GMEB2: variants seen among roughly 807,000 people sequenced by gnomAD.
GMEB2 encodes the protein glucocorticoid modulatory element-binding protein 2.
In GMEB2, 7 loss-of-function variants were observed where a neutral mutation model predicts 45.7. That is an observed-to-expected ratio of 0.15 (90% CI 0.09 to 0.29). The LOEUF (loss-of-function observed/expected upper bound fraction) is 0.29. Among genes scored for constraint, GMEB2 ranks in the 10% least tolerant of loss-of-function variants. The pLI is 1.00. For missense variants in GMEB2, 582 were observed against 739.2 expected (o/e 0.79, Z 2.47); for synonymous variants, 322 against 323.6 (o/e 1.00, Z 0.05).
At chr20:63,596,989 C>T (rs2083204803) in intron 5 of GMEB2, among the ~76,000 whole-genome samples, 1 of 150,702 alleles carries the variant, frequency 6.6e-6, no homozygotes, top group Non-Finnish European at 1.5e-5. Context: ...TGCACTCCAG[C>T]CTGGGCAACA....
chr20:63,622,947 T>C (rs374991395), intron 1 of GMEB2, among the ~76,000 whole-genome samples: 1 of 151,846 alleles, frequency 6.6e-6, no homozygotes, highest in East Asian at 1.9e-4. Flanking sequence ...GGACGGTGAG[T>C]GGCGGGGAGG....
intron 1 of GMEB2, among the ~76,000 whole-genome samples, chr20:63,625,704 T>G (rs2089666474): frequency 6.6e-6 from 1 of 152,004 alleles, no homozygotes. Context: ...TTCAAGCAAT[T>G]CTCCTGCCTC....
rs2089633969 is a variant in GMEB2 at position 63,619,911 on chromosome 20, A to G, written c.-57-457T>C. 6.6e-6 allele frequency: 1 copy of G among 152,402 alleles called. No individual in the cohort carries two copies. Among genetic ancestry groups the G allele is most frequent in the Non-Finnish European group, 1.5e-5 (1 of 68,168 alleles). The allele number at this position is 152,402 out of a possible 1,614,324, so 9.4% of individuals were successfully genotyped here. On this transcript the variant is annotated intron_variant, in intron 1 of 9. Transcript: ENST00000370077. The surrounding 1 kb of genome is among the most constrained non-coding windows in gnomAD (Gnocchi z 4.6). ...GAACGGGAAGGGAAACCCATTCAAG[A>G]CAGAAAGAGAGGAGGGAAACGCCCT...
chr20:63,619,559 TC>T lies in GMEB2; in HGVS notation c.-57-106del. On this transcript the variant is annotated intron_variant, in intron 1 of 9. Coordinates refer to ENST00000370077, the MANE Select transcript of GMEB2 (RefSeq NM_012384.5). The surrounding 1 kb of genome is among the most constrained non-coding windows in gnomAD (Gnocchi z 4.6). ...TCAGCTCCAAAGACCCACCCTTGAG[TC>T]CCAGACTGCTACCTCCTGACAAAAA... is the stretch of plus-strand genomic sequence containing the variant. The T allele has an allele frequency of 3.4e-6, 2 of 591,602 alleles. No individual in the cohort carries two copies. Among genetic ancestry groups the T allele is most frequent in the Non-Finnish European group, 5.6e-6 (2 of 358,362 alleles). The allele number at this position is 591,602 out of a possible 1,614,324, so 36.6% of individuals were successfully genotyped here.
intron 2 of GMEB2, among the ~76,000 whole-genome samples, chr20:63,608,778 T>C (rs1194774963): frequency 5.4e-5 from 2 of 37,252 alleles, no homozygotes; most frequent in African/African-American, 2.2e-4. Flanking sequence ...CATCCATTTC[T>C]AGAAACATGC....
At chr20:63,602,849 C>T in intron 4 of GMEB2, 116 bp downstream of exon 4, 1 of 890,364 alleles carries the variant, frequency 1.1e-6, no homozygotes, top group South Asian at 1.6e-5. Flanking sequence ...ACCTCCTTCA[C>T]TCTCCCCAGC....
Position 63,619,204 on chromosome 20 carries a change from T to A in GMEB2, c.131+63A>T, listed in dbSNP as rs1055867500. 79 of 1,456,584 alleles carry A rather than the reference T, an allele frequency of 5.4e-5. No homozygotes were observed. The highest frequency in any genetic ancestry group is 3.7e-4 in the Middle Eastern group (2 of 5,470). The allele number at this position is 1,456,584 out of a possible 1,614,324, so 90.2% of individuals were successfully genotyped here. The stretch of plus-strand genomic sequence containing the variant: ...TGTCCCTTACTACGTTAATGCCAGC[T>A]GTGCCAAGGACAGCCCAACCCAAGC... On this transcript the variant is annotated intron_variant, in intron 2 of 9. Transcript: ENST00000370077. The surrounding 1 kb of genome is among the most constrained non-coding windows in gnomAD (Gnocchi z 4.6).
At chr20:63,621,188 ACT>A (rs970146088) in intron 1 of GMEB2, among the ~76,000 whole-genome samples, 4 of 152,052 alleles carry the variant, frequency 2.6e-5, no homozygotes, top group African/African-American at 9.7e-5. Context: ...CAGAGTGAGA[ACT>A]CTCTCAAAAA....
At chr20:63,609,064 C>CCT (rs548600420) in intron 2 of GMEB2, among the ~76,000 whole-genome samples, 1,197 of 44,318 alleles carry the variant, frequency 0.027, 12 homozygotes, top group Non-Finnish European at 0.036. Flanking sequence ...GAAACATGCC[C>CCT]CTGACCCCAC....
intron 1 of GMEB2, among the ~76,000 whole-genome samples, chr20:63,623,680 C>T (rs1426080283): frequency 6.6e-6 from 1 of 152,042 alleles, no homozygotes; most frequent in Non-Finnish European, 1.5e-5. Context: ...TGCCTGTAAT[C>T]TCAGCTACTT....
At chr20:63,605,325 A>G (rs1350469954) in intron 2 of GMEB2, among the ~76,000 whole-genome samples, 3 of 151,522 alleles carry the variant, frequency 2.0e-5, no homozygotes, top group Admixed American at 2.0e-4. Flanking sequence ...CTGAGGTCAG[A>G]AGTTTGAGAT....
intron 2 of GMEB2, among the ~76,000 whole-genome samples, chr20:63,617,177 C>T (rs890119617): frequency 3.3e-5 from 5 of 152,060 alleles, no homozygotes; most frequent in African/African-American, 1.2e-4. Context: ...TGGGGTTTTG[C>T]CATGTCGCCC....
Position 63,619,341 on chromosome 20 carries a change from C to T in GMEB2, c.57G>A (p.Pro19=), listed in dbSNP as rs777072550. Residue 19 remains proline (P), a synonymous_variant, in exon 2 of 10, where the codon CCG becomes CCA. Coordinates refer to ENST00000370077, the MANE Select transcript of GMEB2 (RefSeq NM_012384.5). The surrounding 1 kb of genome is among the most constrained non-coding windows in gnomAD (Gnocchi z 4.6). ...CACCACTGCCGTCCACTGCAGTGTC[C>T]GGAGTTGTCACAACCACCACCTCCT... ...HMEEVVVVTT[P]DTAVDGSGVE... The T allele has an allele frequency of 8.1e-6, 13 of 1,612,966 alleles. No individual in the cohort carries two copies. The highest frequency in any genetic ancestry group is 1.6e-4 in the Middle Eastern group (1 of 6,062).
intron 6 of GMEB2, among the ~76,000 whole-genome samples, chr20:63,594,436 A>C (rs983739598): frequency 6.6e-6 from 1 of 152,198 alleles, no homozygotes; most frequent in Non-Finnish European, 1.5e-5. Flanking sequence ...CAGCAGCCCA[A>C]GTGTCCTGGG....
chr20:63,594,428 G>C (rs550993754), intron 6 of GMEB2, among the ~76,000 whole-genome samples: 1 of 152,340 alleles, frequency 6.6e-6, no homozygotes, highest in African/African-American at 2.4e-5. Context: ...TCTGACCACA[G>C]CAGCCCAAGT....
intron 1 of GMEB2, among the ~76,000 whole-genome samples, chr20:63,623,068 G>C (rs1237643904): frequency 3.9e-5 from 6 of 152,182 alleles, no homozygotes; most frequent in Non-Finnish European, 1.5e-5. Flanking sequence ...CTAAACACAA[G>C]CACTAAGGAC....
chr20:63,622,869 C>T (rs1303312552), intron 1 of GMEB2, among the ~76,000 whole-genome samples: 1 of 152,194 alleles, frequency 6.6e-6, no homozygotes, highest in Non-Finnish European at 1.5e-5. Context: ...GAGCTGGGTA[C>T]CACCCGCAGC....
intron 1 of GMEB2, among the ~76,000 whole-genome samples, chr20:63,625,269 G>A (rs1039609283): frequency 5.3e-5 from 8 of 151,784 alleles, no homozygotes; most frequent in Admixed American, 1.3e-4. Context: ...TCCGCCTCCC[G>A]GGTTGAAGTG....
chr20:63,616,871 G>C (rs892619315), intron 2 of GMEB2, among the ~76,000 whole-genome samples: 1 of 152,184 alleles, frequency 6.6e-6, no homozygotes, highest in Non-Finnish European at 1.5e-5. Flanking sequence ...ATATGTTGAA[G>C]GCCTCATCCC....
Sources: gnomAD v4.1 joint callset for allele counts (sites outside exome capture counted in the v4.1 genomes callset) on GRCh38, gnomAD v4.1.1 for gene constraint, Gnocchi (gnomAD v3.1) non-coding constraint, MANE v1.5 for transcripts, NCBI Gene and HGNC (gene_info 2026-07-23, HGNC 2026-07-21) for gene names.